The following ZCCHC9 variants were observed in gnomAD, a reference collection of about 807,000 sequenced individuals.
The protein encoded by ZCCHC9 is zinc finger CCHC domain-containing protein 9.
Under a neutral mutation model 30.8 loss-of-function variants are expected in ZCCHC9, and 18 were observed. The observed-to-expected ratio is 0.58, with a 90% CI of 0.40 to 0.87. The LOEUF (loss-of-function observed/expected upper bound fraction) is 0.87, where lower values mean the gene tolerates loss of function less well. Ranked by LOEUF, ZCCHC9 falls within the 40% of genes least tolerant of loss-of-function variation. The pLI, the probability that ZCCHC9 is intolerant of heterozygous loss-of-function variation, is 0.00. For synonymous variants in ZCCHC9, 94 were observed against 106.7 expected, an observed-to-expected ratio of 0.88 and a Z score of 0.73; for missense variants, 279 against 331.2, an observed-to-expected ratio of 0.84 and a Z score of 1.22.
At chr5:81,302,916 T>G (rs962314343) in intron 1 of ZCCHC9, 11 of 152,140 alleles carry the variant, frequency 7.2e-5, no homozygotes, top group African/African-American at 2.2e-4. Context: ...AGTCTAAGTT[T>G]ATTAAAAATA....
At chr5:81,312,362 G>A (rs1758315448) in intron 5 of ZCCHC9, among the ~76,000 whole-genome samples, 182 bp from the exon 6 acceptor site, 1 of 152,104 alleles carries the variant, frequency 6.6e-6, no homozygotes, top group African/African-American at 2.4e-5. Context: ...AATTGCCTGT[G>A]GTACTCTGAA....
Position 81,312,565 on chromosome 5 carries a change from G to T in ZCCHC9, c.719G>T (p.Arg240Leu), listed in dbSNP as rs750338409. 11 of 1,613,342 alleles carry T rather than the reference G, an allele frequency of 6.8e-6. No homozygotes were observed. The highest frequency in any genetic ancestry group is 8.5e-6 in the Non-Finnish European group (10 of 1,179,668). ...ACAGAGCGAATGGTCACAGTTGGTC[G>T]CTGGGCAAAGGGAATGAGTGCAGAC... ...QNSERMVTVG[R>L]WAKGMSADYE... The change falls in exon 6 of 6, where the codon CGC becomes CTC. Residue 240 changes from arginine (R) to leucine (L), a missense_variant. Arg to Leu is a moderately radical substitution (Grantham distance 102, BLOSUM62 -2). Coordinates refer to ENST00000407610, the MANE Select transcript of ZCCHC9 (RefSeq NM_001131035.2).
intron 4 of ZCCHC9, among the ~76,000 whole-genome samples, chr5:81,309,519 A>G (rs902924586): frequency 2.0e-5 from 3 of 152,152 alleles, no homozygotes; most frequent in Admixed American, 6.5e-5. Context: ...AACTCGGGTA[A>G]TTAAGGTTCA....
intron 2 of ZCCHC9, among the ~76,000 whole-genome samples, chr5:81,306,329 T>G (rs1201647935): frequency 6.6e-6 from 1 of 152,240 alleles, no homozygotes; most frequent in Non-Finnish European, 1.5e-5. Context: ...CATTGTTATA[T>G]TTAAAGATAG....
At chr5:81,307,994 C>CAAAAAA (rs11322486) in intron 2 of ZCCHC9, among the ~76,000 whole-genome samples, 1 of 30,306 alleles carries the variant, frequency 3.3e-5, no homozygotes, top group African/African-American at 1.4e-4. Context: ...GACTCCGTCT[C>CAAAAAA]AAAAAAAAAA....
At chr5:81,308,867 C>T (rs1028415073) in intron 3 of ZCCHC9, 79 bp from the exon 4 acceptor site, 3 of 1,402,024 alleles carry the variant, frequency 2.1e-6, no homozygotes, top group African/African-American at 2.9e-5. Context: ...ATTTTTTATT[C>T]AGAGTATTTT....
intron 2 of ZCCHC9, among the ~76,000 whole-genome samples, chr5:81,307,826 G>T (rs531484993): frequency 6.7e-6 from 1 of 150,116 alleles, no homozygotes; most frequent in African/African-American, 2.5e-5. Flanking sequence ...GTGAAACCCC[G>T]TCTCCACTAA....
chr5:81,311,169 G>C, intron 4 of ZCCHC9, 42 bp from the exon 5 acceptor site: 2 of 1,609,272 alleles, frequency 1.2e-6, no homozygotes, highest in Non-Finnish European at 1.7e-6. Flanking sequence ...AAAACCCCTT[G>C]CAAGTATGAG....
rs1219140807 is a variant in ZCCHC9 at position 81,308,624 on chromosome 5, C to G, written c.448C>G (p.Gln150Glu). 6.2e-7 allele frequency: 1 copy of G among 1,613,724 alleles called. No homozygotes were observed. The highest frequency in any genetic ancestry group is 1.7e-5 in the Admixed American group (1 of 59,898). Reference protein sequence around the residue: ...IADCPAALENQDMGTGICYRC... With the variant: ...IADCPAALENEDMGTGICYRC... Reference sequence around the variant, plus strand: ...AGATTGCCCCGCCGCCCTTGAAAATCAAGACATGGGCACTGGGATATGTTA... The same window carrying G: ...AGATTGCCCCGCCGCCCTTGAAAATGAAGACATGGGCACTGGGATATGTTA... The change falls in exon 3 of 6, where the codon CAA becomes GAA. Residue 150 changes from glutamine (Q) to glutamate (E), a missense_variant. Physicochemically the swap from Gln to Glu is conservative, Grantham distance 29 (BLOSUM62 2). Coordinates refer to ENST00000407610, the MANE Select transcript of ZCCHC9 (RefSeq NM_001131035.2).
At chr5:81,311,764 G>GA (rs1758295614) in intron 5 of ZCCHC9, among the ~76,000 whole-genome samples, 1 of 152,116 alleles carries the variant, frequency 6.6e-6, no homozygotes, top group Non-Finnish European at 1.5e-5. Context: ...TTTTCTTCCT[G>GA]ATGAAATACC....
At chr5:81,310,309 A>G (rs1758239683) in intron 4 of ZCCHC9, among the ~76,000 whole-genome samples, 1 of 152,184 alleles carries the variant, frequency 6.6e-6, no homozygotes, top group African/African-American at 2.4e-5. Flanking sequence ...GTTTTAATTT[A>G]GAACACTTTA....
At position 81,304,871 on chromosome 5, in the gene ZCCHC9, G is replaced by A; in HGVS notation, c.114G>A (p.Lys38=). Residue 38 remains lysine, a synonymous_variant, in exon 2 of 6, where the codon AAG becomes AAA. Coordinates refer to ENST00000407610, the MANE Select transcript of ZCCHC9 (RefSeq NM_001131035.2). ...AGGGAACAAGCCAAAACCTACCAAA[G>A]CGTAAACAACTTGAAGCCAATAGGC... is the stretch of plus-strand genomic sequence containing the variant. ...SFEGTSQNLP[K]RKQLEANRLS... 6.2e-7 allele frequency: 1 copy of A among 1,614,134 alleles called. No individual in the cohort carries two copies. Among genetic ancestry groups the A allele is most frequent in the Non-Finnish European group, 8.5e-7 (1 of 1,180,028 alleles).
rs960734146 is a variant in ZCCHC9, at chr5:81,307,083, A to T, written c.385-1478A>T. Among the ~76,000 whole-genome samples the T allele has an allele frequency of 3.3e-5, 5 of 152,222 alleles. 1 individual carries two copies. The highest frequency in any genetic ancestry group is 1.3e-4 in the Admixed American group (2 of 15,282). On this transcript the variant is annotated intron_variant, in intron 2 of 5. Transcript: ENST00000407610. ...ATTTTGCTGGTTGAATTTGCTTTTT[A>T]AAAAAACCTGTGCTTATTTTGAAAA...
In ZCCHC9 at chr5:81,308,950, A is replaced by G; in HGVS notation, c.540A>G (p.Glu180=). ...AGGAACTGTTGATTTTTACAGGCGA[A>G]TTTCCTTTTGCAAAATGTTTTGTTT... ...CKAKVDPALG[E]FPFAKCFVCG... The change falls in exon 4 of 6, where the codon GAA becomes GAG. Residue 180 remains glutamate (E), a synonymous_variant. Transcript: ENST00000407610. 1 of 1,612,620 alleles carries G rather than the reference A, an allele frequency of 6.2e-7. No homozygotes were observed. The highest frequency in any genetic ancestry group is 8.5e-7 in the Non-Finnish European group (1 of 1,179,524).
intron 2 of ZCCHC9, among the ~76,000 whole-genome samples, chr5:81,307,617 C>T (rs1285389621): frequency 6.6e-6 from 1 of 151,928 alleles, no homozygotes; most frequent in East Asian, 1.9e-4. Flanking sequence ...CACGCCACTG[C>T]ACTCCAGCCT....
chr5:81,305,683 T>G (rs776218486), intron 2 of ZCCHC9, among the ~76,000 whole-genome samples: 5 of 151,912 alleles, frequency 3.3e-5, no homozygotes, highest in Non-Finnish European at 7.4e-5. Context: ...GGATTGGGCC[T>G]GGGAGGTCGA....
At chr5:81,311,813 C>T (rs892935533) in intron 5 of ZCCHC9, among the ~76,000 whole-genome samples, 23 of 152,164 alleles carry the variant, frequency 1.5e-4, no homozygotes, top group African/African-American at 5.3e-4. Context: ...GTTCACTCTA[C>T]CTATGGCAGA....
chr5:81,308,121 T>G (rs1758143602), intron 2 of ZCCHC9, among the ~76,000 whole-genome samples: 1 of 151,682 alleles, frequency 6.6e-6, no homozygotes, highest in African/African-American at 2.4e-5. Context: ...TATGTGAACT[T>G]TAAAAGAAAT....
At position 81,312,636 on chromosome 5, in the gene ZCCHC9, A is replaced by C. The variant is rs748731894; in HGVS notation, c.790A>C (p.Lys264Gln). 2 of 1,613,658 alleles carry C rather than the reference A, an allele frequency of 1.2e-6. No homozygotes were observed. The highest frequency in any genetic ancestry group is 3.3e-5 in the Admixed American group (2 of 60,000). Residue 264 changes from lysine (K) to glutamine (Q), a missense_variant, in exon 6 of 6, where the codon AAA becomes CAA. Coordinates refer to ENST00000407610, the MANE Select transcript of ZCCHC9 (RefSeq NM_001131035.2). ...ACCTAAACCGCAAAAACCCAAAACA[A>C]AAATACCTAAAGTTGTTAATTTTTG... ...DVPKPQKPKT[K>Q]IPKVVNF
Sources: gnomAD v4.1 joint callset for allele counts (sites outside exome capture counted in the v4.1 genomes callset) on GRCh38, gnomAD v4.1.1 for gene constraint, MANE v1.5 for transcripts, NCBI Gene and HGNC (gene_info 2026-07-23, HGNC 2026-07-21) for gene names.